Variants in RBFOX1 observed in about 807,000 individuals in gnomAD.
RBFOX1 encodes RNA binding fox-1 homolog 1, also known as RNA binding protein fox-1 homolog 1.
In RBFOX1, 8 loss-of-function variants were observed where a neutral mutation model predicts 57.7. The observed-to-expected ratio is 0.14, with a 90% CI of 0.08 to 0.25. RBFOX1 has a LOEUF of 0.25. Ranked by LOEUF, RBFOX1 falls within the 10% of genes least tolerant of loss-of-function variation. The pLI, the probability that RBFOX1 is intolerant of heterozygous loss-of-function variation, is 1.00. For missense variants in RBFOX1, 611 were observed against 548.5 expected (o/e 1.11, Z -1.14); for synonymous variants, 326 against 222.4 (o/e 1.47, Z -4.15).
chr16:6,327,127 C>G (rs1037681104), intron 2 of RBFOX1, among the ~76,000 whole-genome samples: 1 of 152,194 alleles, frequency 6.6e-6, no homozygotes, highest in African/African-American at 2.4e-5. Flanking sequence ...CCACTTTCCT[C>G]TGCAATCCCA....
chr16:7,438,888 G>T (rs2098743355), intron 4 of RBFOX1, among the ~76,000 whole-genome samples: 1 of 152,088 alleles, frequency 6.6e-6, no homozygotes, highest in African/African-American at 2.4e-5. Context: ...GATCTATACT[G>T]CATGAATCCC....
chr16:5,807,261 G>A (rs1383879893), intron 3 of RBFOX1, among the ~76,000 whole-genome samples: 2 of 152,148 alleles, frequency 1.3e-5, no homozygotes, highest in East Asian at 3.9e-4. Context: ...CACGGGGGCT[G>A]TGGATATGAA....
intron 3 of RBFOX1, 64 bp downstream of exon 3, chr16:6,654,714 G>A (rs1056686680): frequency 9.5e-6 from 12 of 1,266,542 alleles, no homozygotes; most frequent in African/African-American, 3.1e-5. Context: ...ATTGAACCCA[G>A]GTGTTTAAGG....
intron 3 of RBFOX1, among the ~76,000 whole-genome samples, chr16:7,038,474 C>T (rs559015436): frequency 6.6e-6 from 1 of 152,072 alleles, no homozygotes; most frequent in Non-Finnish European, 1.5e-5. Flanking sequence ...TAAAAATGTA[C>T]CTGGGGTAAT....
At chr16:5,578,117 A>G (rs12446722) in intron 2 of RBFOX1, among the ~76,000 whole-genome samples, 125,161 of 152,044 alleles carry the variant, frequency 0.82, 51,951 homozygotes, top group South Asian at 0.91. Context: ...ACACCCAGCT[A>G]ATTTTTGTAA....
intron 3 of RBFOX1, among the ~76,000 whole-genome samples, chr16:6,688,257 A>G (rs935998021): frequency 2.6e-5 from 4 of 152,038 alleles, no homozygotes; most frequent in Non-Finnish European, 5.9e-5. Context: ...GAGGTGCTAC[A>G]CAATTGTAAA....
At chr16:5,448,112 G>C (rs1200300588) in intron 1 of RBFOX1, among the ~76,000 whole-genome samples, 2 of 152,166 alleles carry the variant, frequency 1.3e-5, no homozygotes, top group African/African-American at 2.4e-5. Flanking sequence ...TTGACATCCT[G>C]TTCTTAAATT....
At chr16:5,484,150 A>T (rs11646618) in intron 2 of RBFOX1, among the ~76,000 whole-genome samples, 1 of 152,034 alleles carries the variant, frequency 6.6e-6, no homozygotes, top group Non-Finnish European at 1.5e-5. Context: ...CAGCCTGGGA[A>T]ACAGAGCAAG....
intron 3 of RBFOX1, among the ~76,000 whole-genome samples, chr16:5,705,473 G>A (rs909391425): frequency 1.3e-5 from 2 of 152,142 alleles, no homozygotes; most frequent in Non-Finnish European, 2.9e-5. Flanking sequence ...ATATTGCCCA[G>A]GCTGGTTTCA....
intron 4 of RBFOX1, among the ~76,000 whole-genome samples, chr16:7,286,117 C>A (rs984742839): frequency 1.3e-5 from 2 of 152,048 alleles, no homozygotes; most frequent in African/African-American, 4.8e-5. Context: ...AAATAAGGAA[C>A]GAATGAGTGA....
In RBFOX1 at chr16:7,220,397, G is replaced by A. The variant is rs151125941; in HGVS notation, c.27+168299G>A. ...ACTACTTAATCTGTTGTTGCTCAAA[G>A]AAGGTGCAATGCATTACAATGCTAG... On this transcript the variant is annotated intron_variant, in intron 4 of 15. Transcript: ENST00000550418. 1.4e-3 allele frequency among the ~76,000 whole-genome samples: 215 copies of A among 152,336 alleles called. 1 individual carries two copies. The highest frequency in any genetic ancestry group is 5.1e-3 in the African/African-American group (213 of 41,578).
At chr16:5,429,745 G>A (rs897486221) in intron 1 of RBFOX1, among the ~76,000 whole-genome samples, 135 of 152,160 alleles carry the variant, frequency 8.9e-4, no homozygotes, top group Non-Finnish European at 1.7e-3. Flanking sequence ...TTCTGCTGCT[G>A]TCAATAAGCC....
At chr16:7,670,384 T>TCAGA (rs2071002944) in intron 13 of RBFOX1, among the ~76,000 whole-genome samples, 1 of 152,186 alleles carries the variant, frequency 6.6e-6, no homozygotes, top group Non-Finnish European at 1.5e-5. Context: ...CCAAAAATCT[T>TCAGA]CAGACACTGG....
chr16:6,135,260 A>G (rs887446313), intron 1 of RBFOX1, among the ~76,000 whole-genome samples: 1 of 152,236 alleles, frequency 6.6e-6, no homozygotes, highest in African/African-American at 2.4e-5. Context: ...TTTCAGCTGC[A>G]GAACAGGCAT....
At chr16:6,306,867 A>C (rs574191554) in intron 1 of RBFOX1, among the ~76,000 whole-genome samples, 1 of 152,248 alleles carries the variant, frequency 6.6e-6, no homozygotes, top group East Asian at 1.9e-4. Flanking sequence ...TCCCCCATTT[A>C]AGTGGTGGAA....
At chr16:5,301,649 C>CA (rs1176959043) in intron 1 of RBFOX1, among the ~76,000 whole-genome samples, 1 of 124,202 alleles carries the variant, frequency 8.1e-6, no homozygotes, top group African/African-American at 2.7e-5. Context: ...CACACAAAAA[C>CA]AAAAAACTGA....
intron 3 of RBFOX1, among the ~76,000 whole-genome samples, chr16:6,948,375 CTTTTTTTTTTTTT>C (rs968186299): frequency 5.9e-5 from 4 of 67,964 alleles, no homozygotes; most frequent in East Asian, 3.6e-4. Context: ...TTCTCCCTTT[CTTTTTTTTTTTTT>C]TTTTTTTTTT....
At chr16:5,524,007 A>G (rs1171386429) in intron 2 of RBFOX1, among the ~76,000 whole-genome samples, 2 of 152,196 alleles carry the variant, frequency 1.3e-5, no homozygotes, top group Admixed American at 6.5e-5. Flanking sequence ...CATACCACTC[A>G]TTCAAAGCTA....
intron 3 of RBFOX1, among the ~76,000 whole-genome samples, chr16:5,742,180 G>A (rs544937651): frequency 1.5e-4 from 23 of 151,994 alleles, no homozygotes; most frequent in Non-Finnish European, 2.8e-4. Context: ...GGGCATATCC[G>A]TCCTTCCCTT....
Sources: allele counts gnomAD v4.1 joint callset (sites outside exome capture counted in the v4.1 genomes callset), GRCh38; gene constraint gnomAD v4.1.1; transcripts MANE v1.5; gene names NCBI Gene and HGNC (gene_info 2026-07-23, HGNC 2026-07-21).